TPP2: variants seen among roughly 807,000 people sequenced by gnomAD.
The protein encoded by TPP2 is tripeptidyl peptidase 2.
TPP2 carries 34 observed loss-of-function variants against 155.9 expected under a neutral mutation model. The observed-to-expected ratio is 0.22, with a 90% CI of 0.17 to 0.29. TPP2 has a LOEUF of 0.29. Ranked by LOEUF, TPP2 falls within the 10% of genes least tolerant of loss-of-function variation. The pLI, the probability that TPP2 is intolerant of heterozygous loss-of-function variation, is 1.00. For synonymous variants in TPP2, 510 were observed against 529.4 expected (o/e 0.96, Z 0.50); for missense variants, 1,028 against 1,522.3 (o/e 0.68, Z 5.40).
rs1883113637 is a variant in TPP2, at chr13:102,646,538, A to C, written c.2490+148A>C. The C allele has an allele frequency of 1.1e-5, 6 of 570,482 alleles. No homozygotes were observed. In the South Asian group the frequency reaches 1.3e-4, roughly 12 times the overall value. The allele number at this position is 570,482 out of a possible 1,614,324, so 35.3% of individuals were successfully genotyped here. On this transcript the variant is annotated intron_variant, in intron 20 of 29. Coordinates refer to ENST00000376052, the MANE Select transcript of TPP2 (RefSeq NM_001330588.2). ...AACAGTTAATTTGGAATTACTCTTT[A>C]GGAAATTATAATTTGTAATTAAATA...
chr13:102,626,098 G>T (rs1881601371), intron 6 of TPP2, among the ~76,000 whole-genome samples: 1 of 152,098 alleles, frequency 6.6e-6, no homozygotes, highest in Non-Finnish European at 1.5e-5. Context: ...CTCCCATCAT[G>T]CCCCTTCCTA....
In TPP2 at chr13:102,651,477, C is replaced by CT. The variant is rs371417370; in HGVS notation, c.2991+88dup. Reference sequence around the variant, plus strand: ...ACTTTTTTCTGTCACTATTATAAACCTTTTTTTTAATAAGTCTCCCTTAGT... The same window carrying CT: ...ACTTTTTTCTGTCACTATTATAAACCTTTTTTTTTAATAAGTCTCCCTTAGT... On this transcript the variant is annotated intron_variant, in intron 24 of 29. Transcript: ENST00000376052. 6.4e-4 allele frequency: 913 copies of CT among 1,422,326 alleles called. 3 individuals are homozygous for CT. In the African/African-American group the frequency reaches 0.01, roughly 16 times the overall value. 88.1% of individuals were successfully genotyped at this position (1,422,326 alleles called of 1,614,324 possible). A position where few individuals can be genotyped will look rare whatever the true frequency, so the allele number is the denominator to read the frequency against.
chr13:102,605,073 T>A, intron 2 of TPP2, 152 bp downstream of exon 2: 1 of 1,264,618 alleles, frequency 7.9e-7, no homozygotes, highest in Non-Finnish European at 1.1e-6. Flanking sequence ...TGACAAATAT[T>A]TATTACCTCG....
At chr13:102,602,125 A>G (rs1879474919) in intron 1 of TPP2, among the ~76,000 whole-genome samples, 1 of 152,214 alleles carries the variant, frequency 6.6e-6, no homozygotes, top group Admixed American at 6.5e-5. Flanking sequence ...GTGCTACTGT[A>G]TATCTTTCAA....
intron 6 of TPP2, among the ~76,000 whole-genome samples, chr13:102,623,526 G>A (rs1881326601): frequency 6.6e-6 from 1 of 152,158 alleles, no homozygotes; most frequent in Admixed American, 6.5e-5. Flanking sequence ...TCGTGCCATT[G>A]CACTCCAGCC....
intron 10 of TPP2, among the ~76,000 whole-genome samples, chr13:102,632,899 A>G (rs1162363345): frequency 6.6e-6 from 1 of 152,218 alleles, no homozygotes; most frequent in African/African-American, 2.4e-5. Context: ...TTACAGGTCA[A>G]CAGATATTTA....
intron 24 of TPP2, among the ~76,000 whole-genome samples, chr13:102,656,342 C>T (rs1210960054): frequency 1.3e-5 from 2 of 152,086 alleles, no homozygotes; most frequent in Non-Finnish European, 2.9e-5. Context: ...TGGCTGCTGC[C>T]TGCTTTCTCA....
chr13:102,641,312 C>A (rs1348758875), intron 16 of TPP2, among the ~76,000 whole-genome samples: 1 of 152,170 alleles, frequency 6.6e-6, no homozygotes, highest in Non-Finnish European at 1.5e-5. Flanking sequence ...TACGGGCAGT[C>A]AAGAAAGTGT....
At chr13:102,608,375 G>T (rs987320520) in intron 2 of TPP2, among the ~76,000 whole-genome samples, 2 of 151,722 alleles carry the variant, frequency 1.3e-5, no homozygotes, top group African/African-American at 2.4e-5. Flanking sequence ...TTATTTCCAA[G>T]AATTTTTTTT....
intron 27 of TPP2, among the ~76,000 whole-genome samples, chr13:102,669,501 T>C (rs1298227852): frequency 1.3e-5 from 2 of 152,220 alleles, no homozygotes; most frequent in African/African-American, 2.4e-5. Flanking sequence ...GCATGTATGC[T>C]AATTAGGTGA....
At chr13:102,674,210 T>G in intron 27 of TPP2, 73 bp from the exon 28 acceptor site, 1 of 1,452,114 alleles carries the variant, frequency 6.9e-7, no homozygotes, top group Non-Finnish European at 9.3e-7. Context: ...ATACATGAAT[T>G]TAAATTCAGA....
At chr13:102,621,775 G>A (rs1036531327) in intron 5 of TPP2, among the ~76,000 whole-genome samples, 3 of 152,184 alleles carry the variant, frequency 2.0e-5, no homozygotes, top group African/African-American at 4.8e-5. Context: ...TAGATGGGCT[G>A]GGGGAAGAAC....
At chr13:102,662,064 AG>A (rs1247900948) in intron 25 of TPP2, among the ~76,000 whole-genome samples, 13 of 152,204 alleles carry the variant, frequency 8.5e-5, no homozygotes, top group Non-Finnish European at 1.6e-4. Flanking sequence ...GTATCCATAC[AG>A]GGGATTCCTT....
chr13:102,658,111 CTT>C (rs927444916), intron 25 of TPP2, among the ~76,000 whole-genome samples: 2 of 152,168 alleles, frequency 1.3e-5, no homozygotes, highest in African/African-American at 4.8e-5. Flanking sequence ...CTAGTGTACT[CTT>C]TGACTTTGGG....
intron 15 of TPP2, among the ~76,000 whole-genome samples, chr13:102,638,731 T>C (rs963130927): frequency 4.6e-5 from 7 of 152,190 alleles, no homozygotes; most frequent in South Asian, 4.1e-4. Context: ...TTTCTAGTTA[T>C]CTACTGTAGA....
intron 29 of TPP2, 103 bp downstream of exon 29, chr13:102,676,518 A>T (rs2139626633): frequency 7.3e-7 from 1 of 1,378,138 alleles, no homozygotes; most frequent in East Asian, 2.4e-5. Flanking sequence ...TACTGGTTTT[A>T]TTGTGACCAG....
At chr13:102,630,839 A>G (rs1386944618) in intron 10 of TPP2, among the ~76,000 whole-genome samples, 1 of 152,158 alleles carries the variant, frequency 6.6e-6, no homozygotes, top group African/African-American at 2.4e-5. Context: ...ATTTTAATTC[A>G]TCTGTTTGGA....
intron 5 of TPP2, among the ~76,000 whole-genome samples, chr13:102,619,623 G>C (rs1265872984): frequency 6.6e-6 from 1 of 152,182 alleles, no homozygotes; most frequent in Admixed American, 6.5e-5. Flanking sequence ...TTAAAGGAGG[G>C]TTCTCCTCCC....
intron 25 of TPP2, among the ~76,000 whole-genome samples, chr13:102,659,981 TAGTAA>T (rs71125088): frequency 0.49 from 74,868 of 151,352 alleles, 18,844 homozygotes; most frequent in African/African-American, 0.6. Context: ...TGACTGCAGA[TAGTAA>T]AGTAATTATT....
Sources: allele counts gnomAD v4.1 joint callset (sites outside exome capture counted in the v4.1 genomes callset), GRCh38; gene constraint gnomAD v4.1.1; transcripts MANE v1.5; gene names NCBI Gene and HGNC (gene_info 2026-07-23, HGNC 2026-07-21).